The following KCND2 variants were observed in gnomAD, a reference collection of about 807,000 sequenced individuals.
The protein encoded by KCND2 is potassium voltage-gated channel subfamily D member 2.
In KCND2, 16 loss-of-function variants were observed where a neutral mutation model predicts 54.4. That is an observed-to-expected ratio of 0.29 (90% confidence interval 0.20 to 0.45). KCND2 has a LOEUF of 0.45. Among genes scored for constraint, KCND2 ranks in the 20% least tolerant of loss-of-function variants. KCND2 has a pLI of 1.00. For missense variants in KCND2, 486 were observed against 824.2 expected, an observed-to-expected ratio of 0.59 and a Z score of 5.02; for synonymous variants, 317 against 310.7, an observed-to-expected ratio of 1.02 and a Z score of -0.21.
intron 1 of KCND2, among the ~76,000 whole-genome samples, chr7:120,304,553 G>C (rs1200680399): frequency 5.0e-4 from 76 of 152,202 alleles, no homozygotes; most frequent in Admixed American, 5.0e-3. Flanking sequence ...ATCAAAAATG[G>C]TGGGTGGGGC....
At chr7:120,639,041 A>G (rs912857611) in intron 1 of KCND2, among the ~76,000 whole-genome samples, 10 of 152,240 alleles carry the variant, frequency 6.6e-5, no homozygotes, top group African/African-American at 2.2e-4. Context: ...AATTTATAGA[A>G]TGGTTTTCTT....
At chr7:120,381,218 G>A (rs1355471573) in intron 1 of KCND2, among the ~76,000 whole-genome samples, 1 of 151,978 alleles carries the variant, frequency 6.6e-6, no homozygotes, top group African/African-American at 2.4e-5. Context: ...TCACGCCACT[G>A]TACTCCAGCC....
chr7:120,587,425 A>G (rs1004951117), intron 1 of KCND2, among the ~76,000 whole-genome samples: 5 of 152,296 alleles, frequency 3.3e-5, no homozygotes, highest in African/African-American at 9.6e-5. Context: ...TTTAGCCGGA[A>G]GGCAGCTATA....
At chr7:120,469,515 G>A (rs185216191) in intron 1 of KCND2, among the ~76,000 whole-genome samples, 2 of 152,096 alleles carry the variant, frequency 1.3e-5, no homozygotes, top group African/African-American at 2.4e-5. Context: ...GACTAATGTT[G>A]TTAGAGAAAT....
At position 120,732,940 on chromosome 7, in the gene KCND2, A is replaced by G. The variant is rs1792825448; in HGVS notation, c.1153A>G (p.Ile385Val). Residue 385 changes from isoleucine (I) to valine (V), a missense_variant, in exon 2 of 6, where the codon ATT (isoleucine) becomes GTT (valine). By Grantham distance (29) the Ile-to-Val change is conservative. Around this residue, in one of 7 missense-constraint regions of KCND2, gnomAD observed 7 missense variants for 41.0 expected, o/e 0.17. Coordinates refer to ENST00000331113, the MANE Select transcript of KCND2 (RefSeq NM_012281.3). ...GGTGCCAAAAACCATAGCAGGGAAG[A>G]TTTTTGGTTCTATCTGTTCGCTGAG... ...DMVPKTIAGKIFGSICSLSGV... is the reference protein window; with the variant it reads ...DMVPKTIAGKVFGSICSLSGV... 1 of 1,613,460 alleles carries G rather than the reference A, an allele frequency of 6.2e-7. No individual in the cohort carries two copies. The highest frequency in any genetic ancestry group is 1.1e-5 in the South Asian group (1 of 91,078).
intron 1 of KCND2, among the ~76,000 whole-genome samples, chr7:120,479,968 A>C (rs1004963864): frequency 1.3e-5 from 2 of 150,122 alleles, no homozygotes; most frequent in Admixed American, 1.3e-4. Context: ...CTGTCAAAAA[A>C]AAAAAAAAAA....
At chr7:120,717,328 G>A (rs1792615876) in intron 1 of KCND2, among the ~76,000 whole-genome samples, 2 of 152,084 alleles carry the variant, frequency 1.3e-5, no homozygotes, top group African/African-American at 2.4e-5. Flanking sequence ...TGGATACGCA[G>A]GACAGAAGGT....
At chr7:120,350,274 A>G (rs1800382991) in intron 1 of KCND2, among the ~76,000 whole-genome samples, 1 of 152,152 alleles carries the variant, frequency 6.6e-6, no homozygotes, top group South Asian at 2.1e-4. Context: ...CTATGCTAAT[A>G]CAGTGTTAAG....
intron 1 of KCND2, among the ~76,000 whole-genome samples, chr7:120,623,912 AATACAG>A (rs1178900923): frequency 4.6e-5 from 7 of 152,180 alleles, no homozygotes; most frequent in East Asian, 1.9e-4. Flanking sequence ...TTCAGGGCTT[AATACAG>A]CCAGTGTGAC....
intron 1 of KCND2, among the ~76,000 whole-genome samples, chr7:120,708,528 A>G (rs1792497853): frequency 6.6e-6 from 1 of 152,184 alleles, no homozygotes; most frequent in Non-Finnish European, 1.5e-5. Context: ...TTATTACATA[A>G]GCCTTTGAGT....
chr7:120,678,368 TATATAC>T lies in KCND2; in HGVS notation c.1116-54534_1116-54529del, dbSNP rs991613761. ...TTATATATATATATATATATATATATATATACGCACACACACATATATAGACACATA... is the reference window on the plus strand; with the variant it reads ...TTATATATATATATATATATATATATGCACACACACATATATAGACACATA... On this transcript the variant is annotated intron_variant, in intron 1 of 5. Transcript: ENST00000331113. 4.8e-5 allele frequency among the ~76,000 whole-genome samples: 7 copies of T among 145,278 alleles called. 1 individual carries two copies. Among genetic ancestry groups the T allele is most frequent in the South Asian group, 2.1e-4 (1 of 4,674 alleles).
chr7:120,647,219 T>C (rs1212679645), intron 1 of KCND2, among the ~76,000 whole-genome samples: 1 of 152,236 alleles, frequency 6.6e-6, no homozygotes, highest in Non-Finnish European at 1.5e-5. Flanking sequence ...TGCCTTAAGT[T>C]AAACATCATA....
intron 1 of KCND2, among the ~76,000 whole-genome samples, chr7:120,685,252 A>G (rs1468459787): frequency 6.6e-6 from 1 of 152,176 alleles, no homozygotes; most frequent in African/African-American, 2.4e-5. Context: ...TCTTTCTACT[A>G]CAAGAACTAT....
At chr7:120,730,958 GTC>G (rs1562922534) in intron 1 of KCND2, among the ~76,000 whole-genome samples, 1 of 152,152 alleles carries the variant, frequency 6.6e-6, no homozygotes, top group Non-Finnish European at 1.5e-5. Context: ...TTTGATCCCT[GTC>G]TCTCAGGACT....
At chr7:120,410,891 G>A (rs1229359164) in intron 1 of KCND2, among the ~76,000 whole-genome samples, 2 of 151,740 alleles carry the variant, frequency 1.3e-5, no homozygotes, top group Non-Finnish European at 2.9e-5. Flanking sequence ...CTTTTTTATG[G>A]CTGCATAGCA....
chr7:120,323,294 T>G (rs1205302927), intron 1 of KCND2, among the ~76,000 whole-genome samples: 4 of 152,002 alleles, frequency 2.6e-5, no homozygotes, highest in African/African-American at 9.7e-5. Flanking sequence ...ATGGTTTTAT[T>G]TATTTATTTT....
At chr7:120,558,075 A>G (rs1043657463) in intron 1 of KCND2, among the ~76,000 whole-genome samples, 11 of 152,134 alleles carry the variant, frequency 7.2e-5, no homozygotes, top group African/African-American at 2.7e-4. Flanking sequence ...TTTATTATTA[A>G]TAATTTTTTC....
intron 1 of KCND2, among the ~76,000 whole-genome samples, chr7:120,625,202 G>A (rs1793150552): frequency 6.6e-6 from 1 of 152,120 alleles, no homozygotes; most frequent in Non-Finnish European, 1.5e-5. Context: ...GCATCACTTA[G>A]ATCCGATGAA....
At chr7:120,314,704 T>G (rs922645639) in intron 1 of KCND2, among the ~76,000 whole-genome samples, 2 of 152,170 alleles carry the variant, frequency 1.3e-5, no homozygotes, top group Admixed American at 6.5e-5. Context: ...GTCTCTATAG[T>G]ATAATATTAC....
Sources: gnomAD v4.1 joint callset for allele counts (sites outside exome capture counted in the v4.1 genomes callset) on GRCh38, gnomAD v4.1.1 for gene constraint, gnomAD v4.1.1 regional missense constraint, MANE v1.5 for transcripts, NCBI Gene and HGNC (gene_info 2026-07-23, HGNC 2026-07-21) for gene names.